GRPR: variants seen among roughly 807,000 people sequenced by gnomAD.
GRPR encodes gastrin-releasing peptide receptor.
A neutral mutation model predicts 15.6 loss-of-function variants in GRPR; 4 were observed. That is an observed-to-expected ratio of 0.26 (90% CI 0.13 to 0.59). The LOEUF is 0.59. Ranked by LOEUF, GRPR falls within the 20% of genes least tolerant of loss-of-function variation. The pLI, the probability that GRPR is intolerant of heterozygous loss-of-function variation, is 0.90. For missense variants in GRPR, 270 were observed against 304.1 expected, an observed-to-expected ratio of 0.89 and a Z score of 0.83; for synonymous variants, 128 against 126.8, an observed-to-expected ratio of 1.01 and a Z score of -0.06.
rs1429457489 is a variant in GRPR at position 16,153,510 on chromosome X, A to C, written c.*865A>C. The C allele has an allele frequency of 9.0e-6, 1 of 111,515 alleles. No homozygotes were observed. Among genetic ancestry groups the C allele is most frequent in the African/African-American group, 3.3e-5 (1 of 30,246 alleles). 9.2% of individuals were successfully genotyped at this position (111,515 alleles called of 1,213,427 possible). A position where few individuals can be genotyped will look rare whatever the true frequency, so the allele number is the denominator to read the frequency against. The stretch of plus-strand genomic sequence containing the variant: ...TGCTATTAATTAATCAAATATCTAT[A>C]AATGCATAAAGTACAGTATTTATTC... On this transcript the variant is annotated 3_prime_UTR_variant, in exon 3 of 3. Coordinates refer to ENST00000380289, the MANE Select transcript of GRPR (RefSeq NM_005314.3).
At chrX:16,144,903 A>G (rs1478082249) in intron 1 of GRPR, among the ~76,000 whole-genome samples, 1 of 112,011 alleles carries the variant, frequency 8.9e-6, no homozygotes. Flanking sequence ...ATTAGCAAGT[A>G]TTTGCCGAGT....
At chrX:16,137,553 T>C (rs62578770) in intron 1 of GRPR, among the ~76,000 whole-genome samples, 6,794 of 112,176 alleles carry the variant, frequency 0.061, 225 homozygotes, top group Non-Finnish European at 0.09. Context: ...TATAGGCTCA[T>C]GTGAGCAAGT....
rs765573889 is a variant in GRPR, at chrX:16,152,777, G to C, written c.*132G>C. ...TCCTGAGTGGTGTAGGTGGGGGTGG[G>C]GAGGCCCAAATGATGGATCACCATT... On this transcript the variant is annotated 3_prime_UTR_variant, in exon 3 of 3. Coordinates refer to ENST00000380289, the MANE Select transcript of GRPR (RefSeq NM_005314.3). The C allele has an allele frequency of 9.5e-5, 53 of 558,411 alleles. 1 individual carries two copies. In the South Asian group the frequency reaches 1.3e-3, roughly 14 times the overall value. The allele number at this position is 558,411 out of a possible 1,213,427, so 46.0% of individuals were successfully genotyped here.
chrX:16,126,060 G>T (rs1922285836), intron 1 of GRPR, among the ~76,000 whole-genome samples: 1 of 111,647 alleles, frequency 9.0e-6, no homozygotes, highest in African/African-American at 3.3e-5. Context: ...AGATGCAGCT[G>T]CAGGGAACTC....
At chrX:16,145,513 G>A (rs1569127877) in intron 1 of GRPR, among the ~76,000 whole-genome samples, 1 of 112,107 alleles carries the variant, frequency 8.9e-6, no homozygotes, top group Non-Finnish European at 1.9e-5. Context: ...TAGTGGGATA[G>A]GCGGGAGGCA....
intron 1 of GRPR, among the ~76,000 whole-genome samples, chrX:16,125,635 T>C (rs61359256): frequency 0.04 from 4,498 of 112,217 alleles, 227 homozygotes; most frequent in African/African-American, 0.14. Context: ...GTGTTATCAG[T>C]ATTTATAGAC....
chrX:16,124,384 GT>G lies in GRPR; in HGVS notation c.413+20del, dbSNP rs1252712931. ...GCAGACAGGTAAGTACAGGCTGAAA[GT>G]TACATGCTCTCCAAGGGTGATAGAC... On this transcript the variant is annotated intron_variant, in intron 1 of 2. Transcript: ENST00000380289. 1.7e-6 allele frequency: 2 copies of G among 1,190,872 alleles called. No individual in the cohort carries two copies. Among genetic ancestry groups the G allele is most frequent in the Admixed American group, 4.3e-5 (2 of 46,015 alleles).
At chrX:16,148,540 A>G (rs1922640947) in intron 1 of GRPR, among the ~76,000 whole-genome samples, 1 of 111,673 alleles carries the variant, frequency 9.0e-6, no homozygotes, top group South Asian at 3.8e-4. Flanking sequence ...CCCTTCCCTG[A>G]AGTCCATGAT....
At chrX:16,129,101 G>A (rs192620019) in intron 1 of GRPR, among the ~76,000 whole-genome samples, 3 of 112,144 alleles carry the variant, frequency 2.7e-5, no homozygotes, top group South Asian at 3.7e-4. Flanking sequence ...TGGATATGGC[G>A]GTTCCACTGT....
intron 1 of GRPR, among the ~76,000 whole-genome samples, chrX:16,140,575 G>A (rs1388434049): frequency 1.8e-5 from 2 of 111,303 alleles, no homozygotes; most frequent in Non-Finnish European, 3.8e-5. Context: ...AAGTGCCCCA[G>A]AATTACCACC....
chrX:16,126,322 T>C (rs1341010593), intron 1 of GRPR, among the ~76,000 whole-genome samples: 1 of 112,063 alleles, frequency 8.9e-6, no homozygotes, highest in African/African-American at 3.2e-5. Context: ...ATAGAAAGAA[T>C]AGGTATTGAG....
At chrX:16,132,870 C>T (rs1922398486) in intron 1 of GRPR, among the ~76,000 whole-genome samples, 1 of 111,838 alleles carries the variant, frequency 8.9e-6, no homozygotes, top group African/African-American at 3.2e-5. Flanking sequence ...ACCTATTTTT[C>T]ATGGATATCT....
chrX:16,133,572 A>G (rs756347960), intron 1 of GRPR, among the ~76,000 whole-genome samples: 6 of 110,239 alleles, frequency 5.4e-5, no homozygotes, highest in African/African-American at 2.0e-4. Context: ...TAGTGTACCT[A>G]TTTTCTCAGT....
At chrX:16,133,428 A>C (rs1922406412) in intron 1 of GRPR, among the ~76,000 whole-genome samples, 1 of 111,336 alleles carries the variant, frequency 9.0e-6, no homozygotes, top group Non-Finnish European at 1.9e-5. Context: ...ATATACTCAC[A>C]TATTTACCTT....
rs189877564 is a variant in GRPR at position 16,134,216 on chromosome X, G to C, written c.413+9850G>C. 2.7e-5 allele frequency among the ~76,000 whole-genome samples: 3 copies of C among 111,192 alleles called. No individual in the cohort carries two copies. The East Asian group carries it at 8.5e-4, about 31-fold the overall frequency. On this transcript the variant is annotated intron_variant, in intron 1 of 2. Transcript: ENST00000380289. ...TTTTTTCCTCACTGTACTTCAGTCT[G>C]GCCATTTTCAGTTCTCTAATCCTTT...
chrX:16,145,810 GAAGA>G (rs199747638), intron 1 of GRPR, among the ~76,000 whole-genome samples: 9,303 of 108,592 alleles, frequency 0.086, 1,032 homozygotes, highest in African/African-American at 0.31. Context: ...AAAAATGGAA[GAAGA>G]AAGAAAAGAC....
At chrX:16,149,714 T>C (rs2147037357) in intron 1 of GRPR, among the ~76,000 whole-genome samples, 1 of 108,909 alleles carries the variant, frequency 9.2e-6, no homozygotes, top group African/African-American at 3.3e-5. Flanking sequence ...ACATGCCTTG[T>C]TATTAATTTC....
At chrX:16,145,596 G>T (rs1297501516) in intron 1 of GRPR, among the ~76,000 whole-genome samples, 1 of 111,499 alleles carries the variant, frequency 9.0e-6, no homozygotes, top group Non-Finnish European at 1.9e-5. Flanking sequence ...AGCACAACAG[G>T]GTGACTATAG....
Position 16,150,613 on chromosome X carries a change from C to G in GRPR, c.722C>G (p.Ala241Gly). The change falls in exon 2 of 3, where the codon GCT (alanine) becomes GGT (glycine). Residue 241 changes from alanine to glycine, a missense_variant. Physicochemically the swap from Ala to Gly is moderately conservative, Grantham distance 60. This residue lies in a region of GRPR where 133 missense variants were observed against 123.4 expected (regional missense o/e 1.08). Transcript: ENST00000380289. ...YFIAKNLIQS[A>G]YNLPVEGNIH... ...ATTGCTAAAAATCTGATCCAGAGTG[C>G]TTACAATCTTCCCGTGGAAGGGAAT... 4.2e-6 allele frequency: 5 copies of G among 1,188,354 alleles called. No individual in the cohort carries two copies. Among genetic ancestry groups the G allele is most frequent in the Non-Finnish European group, 5.7e-6 (5 of 873,911 alleles).
Sources: allele counts gnomAD v4.1 joint callset (sites outside exome capture counted in the v4.1 genomes callset), GRCh38; gene constraint gnomAD v4.1.1; regional missense constraint gnomAD v4.1.1; transcripts MANE v1.5; gene names NCBI Gene and HGNC (gene_info 2026-07-23, HGNC 2026-07-21).